HESX1: variants seen among roughly 807,000 people sequenced by gnomAD.
The protein encoded by HESX1 is homeobox expressed in ES cells 1.
Under a neutral mutation model 22.5 loss-of-function variants are expected in HESX1, and 11 were observed. That is an observed-to-expected ratio of 0.49 (90% CI 0.31 to 0.81). The LOEUF is 0.81. HESX1 is among the 30% of genes least tolerant of loss of function. The pLI is 0.05. For synonymous variants in HESX1, 74 were observed against 76.5 expected, an observed-to-expected ratio of 0.97 and a Z score of 0.17; for missense variants, 201 against 212.6, an observed-to-expected ratio of 0.95 and a Z score of 0.34.
chr3:57,227,482 G>A (rs943723030), upstream of HESX1, among the ~76,000 whole-genome samples: 1 of 152,250 alleles, frequency 6.6e-6, no homozygotes, highest in African/African-American at 2.4e-5. Context: ...TCGAGGCTCT[G>A]GCTCCTCGCG....
At chr3:57,202,574 T>C (rs2060496407), upstream of HESX1, among the ~76,000 whole-genome samples, 1 of 152,172 alleles carries the variant, frequency 6.6e-6, no homozygotes, top group Non-Finnish European at 1.5e-5. Context: ...TGACCTCAAG[T>C]GATCCACCTG....
At chr3:57,211,178 A>G (rs1260063361) in intron 1 of HESX1, among the ~76,000 whole-genome samples, 2 of 140,900 alleles carry the variant, frequency 1.4e-5, no homozygotes, top group South Asian at 4.6e-4. Context: ...AGATCGTGCC[A>G]TTGCACTCCA....
At chr3:57,216,814 T>C (rs956500503) in intron 1 of HESX1, among the ~76,000 whole-genome samples, 3 of 152,202 alleles carry the variant, frequency 2.0e-5, no homozygotes, top group Non-Finnish European at 2.9e-5. Context: ...AAGTTACTCT[T>C]TTCCCCTTTA....
chr3:57,211,527 CAAAAA>C (rs61137408), intron 1 of HESX1, among the ~76,000 whole-genome samples: 10 of 31,982 alleles, frequency 3.1e-4, no homozygotes, highest in South Asian at 1.6e-3. Flanking sequence ...GAGACCTTGT[CAAAAA>C]AAAAAAAAAA....
At chr3:57,200,078 A>G (rs1344782465), upstream of HESX1, 1 of 666,052 alleles carries the variant, frequency 1.5e-6, no homozygotes, top group East Asian at 2.8e-5. Context: ...AAGTTTTAGC[A>G]TGTCAATGAA....
intron 1 of HESX1, among the ~76,000 whole-genome samples, chr3:57,215,372 G>T (rs779569640): frequency 1.3e-5 from 2 of 152,116 alleles, no homozygotes; most frequent in Non-Finnish European, 2.9e-5. Context: ...ATGAACTTTG[G>T]AATATTTTAC....
upstream of HESX1, among the ~76,000 whole-genome samples, chr3:57,202,967 G>A (rs569949642): frequency 8.5e-5 from 13 of 152,280 alleles, no homozygotes; most frequent in Non-Finnish European, 1.3e-4. Context: ...GGAGGAAGAA[G>A]GCAGTAGTTG....
intron 1 of HESX1, among the ~76,000 whole-genome samples, chr3:57,209,236 G>T (rs2060537603): frequency 6.6e-6 from 1 of 152,126 alleles, no homozygotes; most frequent in African/African-American, 2.4e-5. Flanking sequence ...TTTAAACTTG[G>T]ACAGACACAC....
chr3:57,225,533 G>A (rs1235087498), intron 1 of HESX1, among the ~76,000 whole-genome samples: 1 of 151,944 alleles, frequency 6.6e-6, no homozygotes, highest in African/African-American at 2.4e-5. Flanking sequence ...TGGTAGAGAC[G>A]GGGTTTCACC....
intron 1 of HESX1, among the ~76,000 whole-genome samples, chr3:57,199,238 T>C (rs897711004): frequency 1.3e-5 from 2 of 152,232 alleles, no homozygotes; most frequent in Non-Finnish European, 2.9e-5. Flanking sequence ...GTTCTTGGGA[T>C]TTCCTGTGAG....
upstream of HESX1, among the ~76,000 whole-genome samples, chr3:57,201,921 A>G (rs1046510838): frequency 6.7e-6 from 1 of 149,148 alleles, no homozygotes; most frequent in African/African-American, 2.5e-5. Flanking sequence ...CTATCTATCT[A>G]TCTATCTATT....
At chr3:57,200,012 C>A, upstream of HESX1, 1 of 1,080,012 alleles carries the variant, frequency 9.3e-7, no homozygotes, top group Non-Finnish European at 1.4e-6. Flanking sequence ...CACCTTATAG[C>A]TCCGCTGACA....
intron 1 of HESX1, among the ~76,000 whole-genome samples, chr3:57,208,126 G>A (rs2060530060): frequency 6.6e-6 from 1 of 152,056 alleles, no homozygotes; most frequent in African/African-American, 2.4e-5. Flanking sequence ...GGGACTAAAT[G>A]GGAAGAAAAA....
intron 1 of HESX1, among the ~76,000 whole-genome samples, chr3:57,223,547 G>A (rs1051896181): frequency 2.0e-5 from 3 of 152,138 alleles, no homozygotes; most frequent in African/African-American, 2.4e-5. Context: ...GGTCCTTAGT[G>A]CCCTCCCACC....
At chr3:57,203,353 A>C (rs973957175), upstream of HESX1, among the ~76,000 whole-genome samples, 1 of 152,162 alleles carries the variant, frequency 6.6e-6, no homozygotes, top group Admixed American at 6.6e-5. Flanking sequence ...GTAGATTTGG[A>C]GAGAAGTGCA....
rs2060577666 is a variant in HESX1, at chr3:57,215,451, T to C, written c.-111+10845A>G. Among the ~76,000 whole-genome samples, 5 of 152,158 alleles carry C rather than the reference T, an allele frequency of 3.3e-5. No individual in the cohort carries two copies. In the South Asian group the frequency reaches 1.0e-3, roughly 31 times the overall value. On this transcript the variant is annotated intron_variant, in intron 1 of 2. Transcript: ENST00000495160. ...TCTTCTTTTCTATAGCCAAGACACC[T>C]ATTTAATAATCTCTCTTTAAAAACA...
At chr3:57,198,671 T>C in intron 2 of HESX1, 82 bp downstream of exon 2, 2 of 1,284,418 alleles carry the variant, frequency 1.6e-6, no homozygotes, top group Middle Eastern at 2.6e-4. Context: ...TAAACTGAGA[T>C]ACCAAAGTGA....
intron 1 of HESX1, among the ~76,000 whole-genome samples, chr3:57,222,567 A>AT (rs2060621430): frequency 6.6e-6 from 1 of 152,046 alleles, no homozygotes; most frequent in South Asian, 2.1e-4. Context: ...CCTATGAGCA[A>AT]TTTTTTCCCC....
At chr3:57,213,255 C>T (rs1048583907) in intron 1 of HESX1, among the ~76,000 whole-genome samples, 2 of 152,246 alleles carry the variant, frequency 1.3e-5, no homozygotes, top group East Asian at 1.9e-4. Context: ...CAGGGGTGCA[C>T]GGAAATGCAT....
Sources: allele counts gnomAD v4.1 joint callset (sites outside exome capture counted in the v4.1 genomes callset), GRCh38; gene constraint gnomAD v4.1.1; transcripts MANE v1.5; gene names NCBI Gene and HGNC (gene_info 2026-07-23, HGNC 2026-07-21).